The following SMC4 variants were observed in gnomAD, a reference collection of about 807,000 sequenced individuals.
SMC4 encodes the protein structural maintenance of chromosomes 4, also known as structural maintenance of chromosomes protein 4.
Under a neutral mutation model 145.6 loss-of-function variants are expected in SMC4, and 87 were observed. The ratio of observed to expected loss-of-function variants is 0.60; its 90% confidence interval spans 0.50 to 0.71. The LOEUF is 0.71. Among genes scored for constraint, SMC4 ranks in the 30% least tolerant of loss-of-function variants. The probability of loss-of-function intolerance (pLI) is 0.00; values close to 1 mark genes in which losing one functional copy is unlikely to be tolerated. For synonymous variants in SMC4, 558 were observed against 500.7 expected (o/e 1.11, Z -1.53); for missense variants, 1,447 against 1,537.1 (o/e 0.94, Z 0.98).
chr3:160,400,050 A>C (rs1284977794), intron 1 of SMC4: 1 of 152,082 alleles, frequency 6.6e-6, no homozygotes, highest in Non-Finnish European at 1.5e-5. Context: ...GTCTCCCCCT[A>C]CCCCTCTTCC....
rs372328964 is a variant in SMC4, at chr3:160,429,454, C to G, written c.2795+512C>G. 2.6e-5 allele frequency among the ~76,000 whole-genome samples: 4 copies of G among 152,100 alleles called. No homozygotes were observed. The East Asian group carries it at 7.7e-4, about 29-fold the overall frequency. On this transcript the variant is annotated intron_variant, in intron 18 of 23. Coordinates refer to ENST00000357388, the MANE Select transcript of SMC4 (RefSeq NM_001002800.3). Reference sequence around the variant, plus strand: ...AATCTCCCAGGCTCAGGCAGTCCTCCCACCTCAACCTCCCAAGTAGCTGGG... The same window carrying G: ...AATCTCCCAGGCTCAGGCAGTCCTCGCACCTCAACCTCCCAAGTAGCTGGG...
intron 17 of SMC4, 26 bp downstream of exon 17, chr3:160,426,226 G>A: frequency 6.5e-7 from 1 of 1,537,842 alleles, no homozygotes; most frequent in Non-Finnish European, 8.8e-7. Context: ...GACCTTTTTT[G>A]GGGGGAAAAA....
chr3:160,410,272 A>G (rs745484558), intron 5 of SMC4, among the ~76,000 whole-genome samples: 11 of 152,182 alleles, frequency 7.2e-5, no homozygotes, highest in Non-Finnish European at 1.3e-4. Flanking sequence ...AGCATCTTAT[A>G]ATGCCCAGCA....
chr3:160,413,817 G>A lies in SMC4; in HGVS notation c.1121+204G>A, dbSNP rs118010551. The A allele has an allele frequency of 6.2e-4, 232 of 375,036 alleles. No individual in the cohort carries two copies. In the East Asian group the frequency reaches 0.012, roughly 19 times the overall value. The allele number at this position is 375,036 out of a possible 1,614,324, so 23.2% of individuals were successfully genotyped here. A position where few individuals can be genotyped will look rare whatever the true frequency, so the allele number is the denominator to read the frequency against. On this transcript the variant is annotated intron_variant, in intron 8 of 23. Transcript: ENST00000357388. ...TTCCCTACTCTGAAGTCTTAGAACC[G>A]TGGGGATGCTACCCCCTAGTGGCGT... is the stretch of plus-strand genomic sequence containing the variant.
intron 7 of SMC4, 44 bp downstream of exon 7, chr3:160,412,497 A>G (rs745440832): frequency 6.4e-7 from 1 of 1,551,570 alleles, no homozygotes; most frequent in Non-Finnish European, 8.7e-7. Context: ...ATTAGTTTTT[A>G]ACCATTAAGT....
chr3:160,402,628 A>G (rs1714829854), intron 3 of SMC4, 48 bp from the exon 4 acceptor site: 2 of 1,561,410 alleles, frequency 1.3e-6, no homozygotes, highest in African/African-American at 1.4e-5. Context: ...TAGTATTAGC[A>G]TGACCTTATG....
chr3:160,431,524 TAAATC>T (rs1718403971), intron 20 of SMC4, 114 bp from the exon 21 acceptor site: 2 of 790,816 alleles, frequency 2.5e-6, no homozygotes, highest in South Asian at 3.9e-5. Context: ...AAATAATTGA[TAAATC>T]AGTCACAACT....
In SMC4 at chr3:160,428,942, G is replaced by A; in HGVS notation, c.2795G>A (p.Arg932Lys). 1 of 1,580,652 alleles carries A rather than the reference G, an allele frequency of 6.3e-7. No individual in the cohort carries two copies. Among genetic ancestry groups the A allele is most frequent in the Non-Finnish European group, 8.5e-7 (1 of 1,171,496 alleles). The change falls in exon 18 of 24, where the codon AGA becomes AAA. Residue 932 changes from arginine (R) to lysine (K), a missense_variant and splice_region_variant. By Grantham distance (26) the Arg-to-Lys change is conservative. Transcript: ENST00000357388. ...CAAGTAGCAATCAAGACTGCTGACA[G>A]GTAGAGTATGCATGTTACCCTAACT... ...KAQVAIKTAD[R>K]NLQKAQDSVL...
intron 5 of SMC4, chr3:160,404,731 GA>G (rs1355652550): frequency 1.5e-6 from 1 of 670,144 alleles, no homozygotes; most frequent in South Asian, 1.4e-5. Context: ...ATGTTTGGAT[GA>G]ACTGACATAC....
At chr3:160,421,743 C>T (rs568191708) in intron 13 of SMC4, among the ~76,000 whole-genome samples, 6 of 152,248 alleles carry the variant, frequency 3.9e-5, no homozygotes, top group African/African-American at 1.4e-4. Context: ...GACTCAAAAA[C>T]AACAAACAAA....
At chr3:160,417,572 G>GA (rs1716722204) in intron 10 of SMC4, 151 bp from the exon 11 acceptor site, 2 of 657,220 alleles carry the variant, frequency 3.0e-6, no homozygotes, top group Admixed American at 5.9e-5. Flanking sequence ...GGCAAAAACT[G>GA]AATCTAGTCC....
At chr3:160,415,973 T>TCAGGAGAGAAGGATGACAGACCTGAGG (rs1387978269) in intron 9 of SMC4, among the ~76,000 whole-genome samples, 2 of 152,130 alleles carry the variant, frequency 1.3e-5, no homozygotes, top group Non-Finnish European at 2.9e-5. Context: ...CAACCTGAAA[T>TCAGGAGAGAAGGATGACAGACCTGAGG]CAGGAGAGAA....
In SMC4 at chr3:160,405,915, CTT is replaced by C. The variant is rs372128207; in HGVS notation, c.687+1414_687+1415del. Among the ~76,000 whole-genome samples, 295 of 152,006 alleles carry C rather than the reference CTT, an allele frequency of 1.9e-3. 1 individual carries two copies. Among genetic ancestry groups the C allele is most frequent in the Middle Eastern group, 6.8e-3 (2 of 292 alleles). ...TGCAGGAAATTGTACTTATGTTTAT[CTT>C]TTGCTTAATCTTTTACCGTCATCCT... On this transcript the variant is annotated intron_variant, in intron 5 of 23. Transcript: ENST00000357388.
At chr3:160,415,201 A>G (rs1716454226) in intron 9 of SMC4, among the ~76,000 whole-genome samples, 1 of 152,200 alleles carries the variant, frequency 6.6e-6, no homozygotes, top group Non-Finnish European at 1.5e-5. Context: ...GTAAGATCCC[A>G]TCTCTACAGA....
Position 160,424,989 on chromosome 3 carries a change from C to T in SMC4, c.2448C>T (p.Asn816=), listed in dbSNP as rs746036139. ...GGCATAGTGAACGAGAAATGAGGAA[C>T]ACACTAGAAAAATTTACTGCAAGCA... ...KLRHSEREMR[N]TLEKFTASIQ... is the part of the protein sequence containing the mutation. Residue 816 remains asparagine, a synonymous_variant, in exon 16 of 24, where the codon AAC becomes AAT. Transcript: ENST00000357388. 8.7e-6 allele frequency: 14 copies of T among 1,609,404 alleles called. No homozygotes were observed. The African/African-American group carries it at 1.6e-4, about 19-fold the overall frequency.
chr3:160,410,369 A>G (rs1442507610), intron 5 of SMC4, among the ~76,000 whole-genome samples: 1 of 152,048 alleles, frequency 6.6e-6, no homozygotes, highest in African/African-American at 2.4e-5. Flanking sequence ...CTTGAATAAG[A>G]CTCTTGGCTT....
At chr3:160,424,768 C>T in intron 15 of SMC4, 99 bp from the exon 16 acceptor site, 35 of 1,347,716 alleles carry the variant, frequency 2.6e-5, no homozygotes, top group Non-Finnish European at 3.7e-5. Flanking sequence ...TGAGACCGCG[C>T]CATTGCACTC....
At chr3:160,419,330 C>A in intron 11 of SMC4, 28 bp from the exon 12 acceptor site, 3 of 1,495,064 alleles carry the variant, frequency 2.0e-6, no homozygotes, top group Non-Finnish European at 2.7e-6. Context: ...GTTAATGCTT[C>A]TGGATTTCAT....
In SMC4 at chr3:160,417,819, C is replaced by A. The variant is rs779745638; in HGVS notation, c.1534C>A (p.Arg512Ser). 1.2e-6 allele frequency: 2 copies of A among 1,613,538 alleles called. No homozygotes were observed. Among genetic ancestry groups the A allele is most frequent in the South Asian group, 1.1e-5 (1 of 91,026 alleles). Reference sequence around the variant, plus strand: ...GTCAGAACTTGATATCTATCTCAGTCGTCATAATACTGCAGTGTCTCAATT... The same window carrying A: ...GTCAGAACTTGATATCTATCTCAGTAGTCATAATACTGCAGTGTCTCAATT... ...AQSELDIYLS[R>S]HNTAVSQLTK... The change falls in exon 11 of 24, where the codon CGT becomes AGT. Residue 512 changes from arginine to serine, a missense_variant. Arg to Ser is a moderately radical substitution (Grantham distance 110). Transcript: ENST00000357388.
Sources: allele counts gnomAD v4.1 joint callset (sites outside exome capture counted in the v4.1 genomes callset), GRCh38; gene constraint gnomAD v4.1.1; transcripts MANE v1.5; gene names NCBI Gene and HGNC (gene_info 2026-07-23, HGNC 2026-07-21).